CACNA2D3: variants seen among roughly 807,000 people sequenced by gnomAD.
CACNA2D3 encodes the protein voltage-dependent calcium channel subunit alpha-2/delta-3.
A neutral mutation model predicts 160.6 loss-of-function variants in CACNA2D3; 60 were observed. The ratio of observed to expected loss-of-function variants is 0.37; its 90% confidence interval spans 0.30 to 0.46. CACNA2D3 has a LOEUF of 0.46. Among genes scored for constraint, CACNA2D3 ranks in the 20% least tolerant of loss-of-function variants. The pLI is 1.00. For synonymous variants in CACNA2D3, 558 were observed against 492.9 expected, an observed-to-expected ratio of 1.13 and a Z score of -1.75; for missense variants, 1,205 against 1,365.0, an observed-to-expected ratio of 0.88 and a Z score of 1.85.
intron 18 of CACNA2D3, chr3:54,875,621 A>G (rs954024360): frequency 1.3e-5 from 2 of 152,248 alleles, no homozygotes; most frequent in Non-Finnish European, 2.9e-5. Flanking sequence ...CAGACTAACA[A>G]TGAAACAGGA....
At chr3:54,945,722 G>C (rs886213126) in intron 27 of CACNA2D3, among the ~76,000 whole-genome samples, 1 of 152,168 alleles carries the variant, frequency 6.6e-6, no homozygotes, top group East Asian at 1.9e-4. Flanking sequence ...TACCCCATTA[G>C]GTGTCTATAG....
At chr3:54,953,710 C>G (rs1009451179) in intron 27 of CACNA2D3, among the ~76,000 whole-genome samples, 11 of 152,320 alleles carry the variant, frequency 7.2e-5, no homozygotes, top group Non-Finnish European at 1.5e-4. Context: ...TTCCCCCTTG[C>G]CTGTGAACGC....
At chr3:54,297,719 A>AG (rs1255288948) in intron 2 of CACNA2D3, among the ~76,000 whole-genome samples, 1 of 151,668 alleles carries the variant, frequency 6.6e-6, no homozygotes, top group Non-Finnish European at 1.5e-5. Flanking sequence ...CACCAAAAAA[A>AG]AAAAAAAAAA....
intron 30 of CACNA2D3, 44 bp downstream of exon 30, chr3:54,984,714 T>C (rs1452880084): frequency 3.2e-6 from 4 of 1,243,068 alleles, no homozygotes; most frequent in Admixed American, 2.1e-5. Flanking sequence ...GATCTCAGAA[T>C]GTGCTTGGGT....
chr3:54,884,529 T>TG (rs927023662), intron 21 of CACNA2D3, among the ~76,000 whole-genome samples: 1 of 152,262 alleles, frequency 6.6e-6, no homozygotes, highest in African/African-American at 2.4e-5. Context: ...ATAAGCATCA[T>TG]GGGAGTTCCC....
intron 30 of CACNA2D3, 31 bp downstream of exon 30, chr3:54,984,701 A>G: frequency 7.1e-7 from 1 of 1,408,560 alleles, no homozygotes; most frequent in African/African-American, 1.4e-5. Flanking sequence ...AGCTCCAAGT[A>G]AGGATCTCAG....
chr3:54,908,509 A>C lies in CACNA2D3; in HGVS notation c.2449+8641A>C, dbSNP rs190433577. On this transcript the variant is annotated intron_variant, in intron 27 of 37. Transcript: ENST00000474759. ...GTCAGGTAGATTGCTTGAACCTAGG[A>C]GTTCAAGACCAGCCTGGGCAACATG... Among the ~76,000 whole-genome samples the C allele has an allele frequency of 7.6e-3, 1,161 of 152,258 alleles. 5 individuals are homozygous for C. The highest frequency in any genetic ancestry group is 0.011 in the Non-Finnish European group (747 of 68,024).
chr3:54,643,556 C>G (rs1280276698), intron 11 of CACNA2D3, among the ~76,000 whole-genome samples: 1 of 152,198 alleles, frequency 6.6e-6, no homozygotes, highest in South Asian at 2.1e-4. Context: ...TAAATTTGAT[C>G]AACCATAAAC....
chr3:54,270,560 TGGC>T (rs1255577313), intron 2 of CACNA2D3, among the ~76,000 whole-genome samples: 14 of 152,118 alleles, frequency 9.2e-5, no homozygotes, highest in African/African-American at 3.4e-4. Flanking sequence ...AGAAATCAAG[TGGC>T]TTAAAACGAC....
chr3:54,527,114 G>C (rs1261181839), intron 5 of CACNA2D3, among the ~76,000 whole-genome samples: 1 of 152,234 alleles, frequency 6.6e-6, no homozygotes, highest in African/African-American at 2.4e-5. Context: ...CCCAAGGCCA[G>C]TATTTGAGAT....
At chr3:54,879,467 C>G (rs1227140522) in intron 20 of CACNA2D3, 56 bp downstream of exon 20, 3 of 1,272,560 alleles carry the variant, frequency 2.4e-6, no homozygotes, top group Non-Finnish European at 3.4e-6. Context: ...TGTGTTTGTA[C>G]AAAACCTGCT....
At chr3:54,724,276 T>TG (rs1701234437) in intron 11 of CACNA2D3, among the ~76,000 whole-genome samples, 1 of 152,118 alleles carries the variant, frequency 6.6e-6, no homozygotes, top group African/African-American at 2.4e-5. Context: ...AGCAAGTTCT[T>TG]AGAGACCTAC....
chr3:54,940,468 C>G (rs1473845981), intron 27 of CACNA2D3, among the ~76,000 whole-genome samples: 1 of 152,186 alleles, frequency 6.6e-6, no homozygotes, highest in African/African-American at 2.4e-5. Context: ...ACCAACATTT[C>G]AGACACAGAC....
intron 4 of CACNA2D3, among the ~76,000 whole-genome samples, chr3:54,412,622 A>G (rs866038593): frequency 1.1e-4 from 3 of 27,984 alleles, no homozygotes; most frequent in African/African-American, 3.2e-4. Flanking sequence ...TTTTTTTTTT[A>G]GTCTGACAAC....
intron 12 of CACNA2D3, among the ~76,000 whole-genome samples, chr3:54,755,065 G>A (rs181766692): frequency 3.3e-5 from 5 of 152,264 alleles, no homozygotes; most frequent in Admixed American, 6.5e-5. Context: ...GCCAGGAATG[G>A]CCACCCCATA....
At chr3:54,759,497 C>T (rs1032912502) in intron 12 of CACNA2D3, among the ~76,000 whole-genome samples, 72 of 149,514 alleles carry the variant, frequency 4.8e-4, no homozygotes, top group African/African-American at 1.6e-3. Context: ...AAAAAAAAGG[C>T]TCAGAAAGAT....
At position 54,294,281 on chromosome 3, in the gene CACNA2D3, G is replaced by A. The variant is rs999088255; in HGVS notation, c.205-26161G>A. Among the ~76,000 whole-genome samples, 16 of 152,192 alleles carry A rather than the reference G, an allele frequency of 1.1e-4. No homozygotes were observed. The East Asian group carries it at 3.1e-3, about 29-fold the overall frequency. ...GCACTTGGTCTTGCCCAAGGATCAA[G>A]GAAAGTATTTCTGCCACTTTCCAAA... On this transcript the variant is annotated intron_variant, in intron 2 of 37. Transcript: ENST00000474759.
chr3:54,612,783 CT>C (rs1295529799), intron 9 of CACNA2D3, among the ~76,000 whole-genome samples: 1 of 152,192 alleles, frequency 6.6e-6, no homozygotes, highest in Non-Finnish European at 1.5e-5. Flanking sequence ...GGATGCCTAC[CT>C]GCTAATCGCC....
chr3:54,532,070 G>A (rs956727902), intron 5 of CACNA2D3, among the ~76,000 whole-genome samples: 1 of 152,166 alleles, frequency 6.6e-6, no homozygotes, highest in Non-Finnish European at 1.5e-5. Flanking sequence ...CTGACCCTGT[G>A]GATGCCCTGC....
Sources: allele counts gnomAD v4.1 joint callset (sites outside exome capture counted in the v4.1 genomes callset), GRCh38; gene constraint gnomAD v4.1.1; transcripts MANE v1.5; gene names NCBI Gene and HGNC (gene_info 2026-07-23, HGNC 2026-07-21).